VNN2: variants seen among roughly 807,000 people sequenced by gnomAD.
VNN2 encodes the protein vanin 2.
A neutral mutation model predicts 43.0 loss-of-function variants in VNN2; 43 were observed. The ratio of observed to expected loss-of-function variants is 1.00; its 90% CI spans 0.78 to 1.29. The LOEUF is 1.29. Among genes scored for constraint, VNN2 ranks in the 50% most tolerant of loss-of-function variants. The pLI, the probability that VNN2 is intolerant of heterozygous loss-of-function variation, is 0.00. For synonymous variants in VNN2, 230 were observed against 224.3 expected, an observed-to-expected ratio of 1.03 and a Z score of -0.23; for missense variants, 652 against 619.7, an observed-to-expected ratio of 1.05 and a Z score of -0.55.
intron 5 of VNN2, among the ~76,000 whole-genome samples, chr6:132,750,316 A>G (rs990629375): frequency 1.3e-5 from 2 of 151,946 alleles, no homozygotes; most frequent in Non-Finnish European, 2.9e-5. Context: ...ACATTCTATA[A>G]AAAGTTTCAT....
chr6:132,755,117 GC>G (rs1261787082), intron 3 of VNN2, among the ~76,000 whole-genome samples: 1 of 152,188 alleles, frequency 6.6e-6, no homozygotes, highest in Non-Finnish European at 1.5e-5. Flanking sequence ...TTAACAGTGA[GC>G]CATGATGGCT....
chr6:132,757,546 C>G lies in VNN2; in HGVS notation c.214G>C (p.Gly72Arg). Residue 72 changes from glycine (G) to arginine (R), a missense_variant and splice_region_variant, in exon 2 of 7, where the codon GGT becomes CGT. Transcript: ENST00000326499. ...ETAIKQAAEQ[G>R]ARIIVTPEDA... ...TCTGGAGTCACAATGATTCGAGCACCCTGTTCAAAACAAGCAAAATAAAAA... is the reference window on the plus strand; with the variant it reads ...TCTGGAGTCACAATGATTCGAGCACGCTGTTCAAAACAAGCAAAATAAAAA... 1 of 1,612,910 alleles carries G rather than the reference C, an allele frequency of 6.2e-7. No homozygotes were observed.
At chr6:132,749,397 G>A (rs1271893794) in intron 6 of VNN2, among the ~76,000 whole-genome samples, 2 of 152,116 alleles carry the variant, frequency 1.3e-5, no homozygotes, top group Non-Finnish European at 2.9e-5. Context: ...GGGAGAGATG[G>A]CCTTAATAAT....
upstream of VNN2, chr6:132,760,527 T>C (rs548965924): frequency 2.6e-5 from 4 of 152,184 alleles, no homozygotes; most frequent in South Asian, 2.1e-4. Context: ...AAGAAGACCA[T>C]AGGCAAATTT....
At chr6:132,747,081 A>G (rs1011785537) in intron 6 of VNN2, among the ~76,000 whole-genome samples, 8 of 152,148 alleles carry the variant, frequency 5.3e-5, no homozygotes, top group Non-Finnish European at 1.0e-4. Flanking sequence ...AGCAGGTAAG[A>G]CAAGATCCAA....
chr6:132,760,579 A>G (rs566107043), upstream of VNN2: 4 of 152,134 alleles, frequency 2.6e-5, no homozygotes, highest in Admixed American at 6.6e-5. Flanking sequence ...GATGCCTAAT[A>G]AAAACAATTA....
chr6:132,758,323 G>A (rs560289088), upstream of VNN2, among the ~76,000 whole-genome samples: 47 of 152,044 alleles, frequency 3.1e-4, no homozygotes, highest in South Asian at 1.7e-3. Context: ...GATTACAGGC[G>A]TGAGCCACTG....
At chr6:132,751,120 G>A in intron 5 of VNN2, 25 bp downstream of exon 5, 1 of 1,546,534 alleles carries the variant, frequency 6.5e-7, no homozygotes, top group Admixed American at 2.2e-5. Flanking sequence ...TCACTTGAAT[G>A]CCCTTTCATT....
chr6:132,749,626 G>A (rs1779927949), intron 6 of VNN2, 69 bp downstream of exon 6: 2 of 1,415,814 alleles, frequency 1.4e-6, no homozygotes, highest in African/African-American at 1.4e-5. Context: ...TGGCAGAGTG[G>A]CTATAGCTTG....
upstream of VNN2, among the ~76,000 whole-genome samples, chr6:132,762,123 C>A (rs1780752885): frequency 6.6e-6 from 1 of 152,276 alleles, no homozygotes; most frequent in East Asian, 1.9e-4. Flanking sequence ...ACCTGGGCAT[C>A]AACTCCTGAT....
In VNN2 at chr6:132,757,826, C is replaced by A. The variant is rs1562253576; in HGVS notation, c.58G>T (p.Val20Phe). Residue 20 changes from valine (V) to phenylalanine (F), a missense_variant, in exon 1 of 7, where the codon GTT (valine) becomes TTT (phenylalanine). Coordinates refer to ENST00000326499, the MANE Select transcript of VNN2 (RefSeq NM_004665.6). ...VAVFALITLQ[V>F]GTQDSFIAAV... ...GCTATAAAACTGTCCTGAGTACCAA[C>A]CTGCAGGGTTATTAGGGCAAAAACT... 5 of 1,613,982 alleles carry A rather than the reference C, an allele frequency of 3.1e-6. No homozygotes were observed. The highest frequency in any genetic ancestry group is 3.4e-6 in the Non-Finnish European group (4 of 1,180,004).
chr6:132,752,092 T>C (rs1582825620), intron 4 of VNN2, among the ~76,000 whole-genome samples: 1 of 152,190 alleles, frequency 6.6e-6, no homozygotes, highest in African/African-American at 2.4e-5. Context: ...CACGAGGATA[T>C]GCCATGCAGC....
In VNN2 at chr6:132,751,284, T is replaced by C. The variant is rs766321355; in HGVS notation, c.1061A>G (p.Asn354Ser). The C allele has an allele frequency of 1.2e-6, 2 of 1,614,062 alleles. No individual in the cohort carries two copies. Among genetic ancestry groups the C allele is most frequent in the Admixed American group, 3.3e-5 (2 of 59,984 alleles). ...TTGACAGACTGTAAGGTTTCCTGCA[T>C]TTTCAAAAAGTTCTGTGAAGTTGAA... ...DGFNFTELFE[N>S]AGNLTVCQKE... Residue 354 changes from asparagine (N) to serine (S), a missense_variant, in exon 5 of 7, where the codon AAT becomes AGT. Physicochemically the swap from Asn to Ser is conservative, Grantham distance 46. Coordinates refer to ENST00000326499, the MANE Select transcript of VNN2 (RefSeq NM_004665.6).
At chr6:132,750,177 A>G (rs1009958474) in intron 5 of VNN2, among the ~76,000 whole-genome samples, 7 of 152,146 alleles carry the variant, frequency 4.6e-5, no homozygotes, top group African/African-American at 1.7e-4. Flanking sequence ...AATAGTACTG[A>G]AGAGTACTGA....
chr6:132,761,786 A>G (rs138302462), upstream of VNN2, among the ~76,000 whole-genome samples: 168 of 152,212 alleles, frequency 1.1e-3, no homozygotes, highest in African/African-American at 3.9e-3. Flanking sequence ...AATTTTAAAA[A>G]CCTCATTTTT....
Position 132,749,760 on chromosome 6 carries a change from C to T in VNN2, c.1306G>A (p.Gly436Arg). The part of the protein sequence containing the change: ...FEMFSLSGTF[G>R]TEYVFPEVLL... The stretch of plus-strand genomic sequence containing the variant: ...ACTTCAGGAAAAACATACTCTGTTC[C>T]AAATGTGCCACTGAGGGAGAACATT... Residue 436 changes from glycine to arginine, a missense_variant, in exon 6 of 7, where the codon GGA becomes AGA. By Grantham distance (125) the Gly-to-Arg change is moderately radical (BLOSUM62 -2). Transcript: ENST00000326499. 1 of 1,614,050 alleles carries T rather than the reference C, an allele frequency of 6.2e-7. No homozygotes were observed. Among genetic ancestry groups the T allele is most frequent in the Middle Eastern group, 1.7e-4 (1 of 6,060 alleles).
intron 2 of VNN2, among the ~76,000 whole-genome samples, chr6:132,757,049 A>G (rs1235943941): frequency 1.3e-5 from 2 of 152,214 alleles, no homozygotes; most frequent in Middle Eastern, 3.2e-3. Flanking sequence ...CAACTCTGGA[A>G]TGGAGAGACT....
intron 2 of VNN2, among the ~76,000 whole-genome samples, 167 bp from the exon 3 acceptor site, chr6:132,756,202 A>G (rs970128347): frequency 2.6e-5 from 4 of 152,212 alleles, no homozygotes; most frequent in African/African-American, 9.6e-5. Context: ...CACTTGATGA[A>G]TGCTTCCCAC....
intron 6 of VNN2, among the ~76,000 whole-genome samples, chr6:132,745,523 C>G (rs13208524): frequency 0.047 from 7,215 of 152,252 alleles, 255 homozygotes; most frequent in Non-Finnish European, 0.072. Context: ...GCCAACAGAT[C>G]CATTCTTGAA....
Sources: allele counts gnomAD v4.1 joint callset (sites outside exome capture counted in the v4.1 genomes callset), GRCh38; gene constraint gnomAD v4.1.1; transcripts MANE v1.5; gene names NCBI Gene and HGNC (gene_info 2026-07-23, HGNC 2026-07-21).